The following GOLGA4 variants were observed in gnomAD, a reference collection of about 807,000 sequenced individuals.
The protein encoded by GOLGA4 is golgin subfamily A member 4.
In GOLGA4, 169 loss-of-function variants were observed where a neutral mutation model predicts 265.9. That is an observed-to-expected ratio of 0.64 (90% CI 0.56 to 0.72). The LOEUF is 0.72. GOLGA4 is among the 30% of genes least tolerant of loss of function. GOLGA4 has a pLI of 0.00. For missense variants in GOLGA4, 2,482 were observed against 2,483.4 expected (o/e 1.00, Z 0.01); for synonymous variants, 923 against 855.8 (o/e 1.08, Z -1.37).
intron 2 of GOLGA4, among the ~76,000 whole-genome samples, chr3:37,270,105 G>A (rs1406260856): frequency 6.6e-6 from 1 of 151,290 alleles, no homozygotes; most frequent in African/African-American, 2.4e-5. Flanking sequence ...TGTTGGCCAG[G>A]CTGGTCTTGA....
chr3:37,335,668 C>T (rs1044198196), intron 17 of GOLGA4, among the ~76,000 whole-genome samples: 3 of 151,434 alleles, frequency 2.0e-5, no homozygotes, highest in East Asian at 1.9e-4. Flanking sequence ...TTGTTTTGGC[C>T]AGTGGACCAG....
chr3:37,253,166 G>T (rs1256095208), intron 2 of GOLGA4, among the ~76,000 whole-genome samples: 1 of 151,840 alleles, frequency 6.6e-6, no homozygotes, highest in African/African-American at 2.4e-5. Flanking sequence ...CTAAGGCAGG[G>T]GCATTACTTG....
At chr3:37,338,861 C>CTT (rs1284511741) in intron 19 of GOLGA4, among the ~76,000 whole-genome samples, 74 of 129,906 alleles carry the variant, frequency 5.7e-4, no homozygotes, top group Middle Eastern at 3.7e-3. Flanking sequence ...TTATGTTAGG[C>CTT]TTTTTTTTTT....
chr3:37,253,046 T>G (rs528786970), intron 2 of GOLGA4, among the ~76,000 whole-genome samples: 39 of 151,954 alleles, frequency 2.6e-4, no homozygotes, highest in Non-Finnish European at 5.3e-4. Context: ...TCCAGGAGTT[T>G]GAGACCAGCC....
chr3:37,347,472 CTTAT>C (rs1267278058), intron 21 of GOLGA4, among the ~76,000 whole-genome samples, 176 bp downstream of exon 21: 1 of 152,054 alleles, frequency 6.6e-6, no homozygotes, highest in Non-Finnish European at 1.5e-5. Context: ...GTGGATCTTG[CTTAT>C]ATTTATTACA....
Position 37,313,160 on chromosome 3 carries a change from G to A in GOLGA4, c.1235-2260G>A, listed in dbSNP as rs368824858. On this transcript the variant is annotated intron_variant, in intron 10 of 23. Coordinates refer to ENST00000361924, the MANE Select transcript of GOLGA4 (RefSeq NM_002078.5). The stretch of plus-strand genomic sequence containing the variant: ...GGAGGTTGCAGGGAGGGGAGATCGC[G>A]CCACTGCACTCTAGCTTGGGTGACA... Among the ~76,000 whole-genome samples the A allele has an allele frequency of 1.7e-3, 255 of 152,056 alleles. 4 individuals carry two copies. Among genetic ancestry groups the A allele is most frequent in the African/African-American group, 5.6e-3 (231 of 41,464 alleles).
Position 37,275,819 on chromosome 3 carries a change from T to C in GOLGA4, c.163-6139T>C, listed in dbSNP as rs1378067655. ...TCCTATGACCCTGGAATTACTGCAGTCCACAAGAATCGGAATGTCAGTTAA... is the reference window on the plus strand; with the variant it reads ...TCCTATGACCCTGGAATTACTGCAGCCCACAAGAATCGGAATGTCAGTTAA... On this transcript the variant is annotated intron_variant, in intron 2 of 23. Coordinates refer to ENST00000361924, the MANE Select transcript of GOLGA4 (RefSeq NM_002078.5). 3.1e-6 allele frequency: 5 copies of C among 1,613,684 alleles called. No individual in the cohort carries two copies. The East Asian group carries it at 1.1e-4, about 36-fold the overall frequency.
At chr3:37,361,556 C>T (rs1022946431) in intron 23 of GOLGA4, among the ~76,000 whole-genome samples, 1 of 152,120 alleles carries the variant, frequency 6.6e-6, no homozygotes, top group African/African-American at 2.4e-5. Context: ...GAAAATTGCT[C>T]TTTGAAATTT....
chr3:37,294,134 TC>T (rs2096872089), intron 5 of GOLGA4, among the ~76,000 whole-genome samples: 1 of 152,078 alleles, frequency 6.6e-6, no homozygotes, highest in Non-Finnish European at 1.5e-5. Context: ...GAGACAAAAA[TC>T]AATGGATTTG....
rs376610981 is a variant in GOLGA4, at chr3:37,324,419, G to A, written c.2533G>A (p.Val845Ile). The A allele has an allele frequency of 6.2e-7, 1 of 1,614,198 alleles. No individual in the cohort carries two copies. Among genetic ancestry groups the A allele is most frequent in the Non-Finnish European group, 8.5e-7 (1 of 1,180,024 alleles). The change falls in exon 14 of 24, where the codon GTT becomes ATT. Residue 845 changes from valine to isoleucine, a missense_variant. By Grantham distance (29) the Val-to-Ile change is conservative. Coordinates refer to ENST00000361924, the MANE Select transcript of GOLGA4 (RefSeq NM_002078.5). ...RILLTKQVAE[V>I]EAQKKDVCTE... ...TCTTCTTACCAAACAGGTTGCTGAAGTTGAAGCACAAAAGAAAGATGTTTG... is the reference window on the plus strand; with the variant it reads ...TCTTCTTACCAAACAGGTTGCTGAAATTGAAGCACAAAAGAAAGATGTTTG...
chr3:37,330,001 C>T (rs1186603920), intron 16 of GOLGA4, among the ~76,000 whole-genome samples: 1 of 148,322 alleles, frequency 6.7e-6, no homozygotes, highest in Non-Finnish European at 1.5e-5. Flanking sequence ...GCTAGAATTC[C>T]AAGATATAAC....
At chr3:37,296,048 T>A in intron 6 of GOLGA4, 39 bp from the exon 7 acceptor site, 1 of 1,593,108 alleles carries the variant, frequency 6.3e-7, no homozygotes, top group Non-Finnish European at 8.6e-7. Context: ...CTCCCATAGT[T>A]TTTTTTGACT....
At chr3:37,351,239 C>T (rs1043585653) in intron 21 of GOLGA4, among the ~76,000 whole-genome samples, 16 of 152,100 alleles carry the variant, frequency 1.1e-4, no homozygotes, top group East Asian at 1.9e-4. Flanking sequence ...TTCATCCATA[C>T]GAAGCAACTC....
chr3:37,329,230 A>T, intron 16 of GOLGA4, 137 bp downstream of exon 16: 1 of 636,202 alleles, frequency 1.6e-6, no homozygotes, highest in Non-Finnish European at 2.6e-6. Flanking sequence ...TATTCAAATT[A>T]GTACTGTTAT....
chr3:37,282,177 G>T lies in GOLGA4; in HGVS notation c.382G>T (p.Val128Leu), dbSNP rs2096836583. 6.2e-7 allele frequency: 1 copy of T among 1,614,126 alleles called. No individual in the cohort carries two copies. The highest frequency in any genetic ancestry group is 1.1e-5 in the South Asian group (1 of 91,088). ...TATGGATAGCGAGGCTGAAGACTTG[G>T]TAGGGAATTCAGACAGTCTCAACAA... ...SDMDSEAEDL[V>L]GNSDSLNKEQ... Residue 128 changes from valine to leucine, a missense_variant, in exon 3 of 24, where the codon GTA (valine) becomes TTA (leucine). Val to Leu is a conservative substitution (Grantham distance 32). Coordinates refer to ENST00000361924, the MANE Select transcript of GOLGA4 (RefSeq NM_002078.5).
chr3:37,275,984 C>T, intron 2 of GOLGA4: 2 of 1,613,470 alleles, frequency 1.2e-6, no homozygotes, highest in Non-Finnish European at 1.7e-6. Flanking sequence ...AATTACATCG[C>T]AGAACAGCCC....
At chr3:37,291,306 A>AC (rs2096864158) in intron 5 of GOLGA4, among the ~76,000 whole-genome samples, 2 of 152,052 alleles carry the variant, frequency 1.3e-5, no homozygotes, top group Admixed American at 1.3e-4. Context: ...GCCCTTCTCC[A>AC]CTAAGAGCCC....
chr3:37,243,684 A>G (rs2096709323), intron 1 of GOLGA4, 62 bp downstream of exon 1: 1 of 1,380,868 alleles, frequency 7.2e-7, no homozygotes, highest in South Asian at 1.2e-5. Flanking sequence ...CCCGCGGACG[A>G]AAGAGGCGGG....
At chr3:37,302,482 C>G in intron 10 of GOLGA4, 150 bp downstream of exon 10, 1 of 703,432 alleles carries the variant, frequency 1.4e-6, no homozygotes, top group South Asian at 2.0e-5. Flanking sequence ...TTAGAGGAGG[C>G]AGAGGTTGGC....
Sources: gnomAD v4.1 joint callset for allele counts (sites outside exome capture counted in the v4.1 genomes callset) on GRCh38, gnomAD v4.1.1 for gene constraint, MANE v1.5 for transcripts, NCBI Gene and HGNC (gene_info 2026-07-23, HGNC 2026-07-21) for gene names.